The following PSG5 variants were observed in gnomAD, a reference collection of about 807,000 sequenced individuals.
PSG5 encodes pregnancy-specific beta-1-glycoprotein 5.
Under a neutral mutation model 37.7 loss-of-function variants are expected in PSG5, and 53 were observed. That is an observed-to-expected ratio of 1.41 (90% confidence interval 1.13 to 1.77). PSG5 has a LOEUF of 1.77. PSG5 is among the 40% of genes most tolerant of loss of function. The pLI, the probability that PSG5 is intolerant of heterozygous loss-of-function variation, is 0.00. For synonymous variants in PSG5, 221 were observed against 155.4 expected (o/e 1.42, Z -3.14); for missense variants, 547 against 405.2 (o/e 1.35, Z -3.00).
At chr19:43,170,007 T>C in intron 5 of PSG5, 48 bp downstream of exon 5, 1 of 1,196,140 alleles carries the variant, frequency 8.4e-7, no homozygotes, top group Admixed American at 1.8e-5. Flanking sequence ...CTCCCAAGCA[T>C]GGCAGTCAGC....
At position 43,176,054 on chromosome 19, in the gene PSG5, G is replaced by C. The variant is rs764527699; in HGVS notation, c.525C>G (p.Asn175Lys). 3 of 1,611,154 alleles carry C rather than the reference G, an allele frequency of 1.9e-6. No individual in the cohort carries two copies. The highest frequency in any genetic ancestry group is 2.7e-5 in the African/African-American group (2 of 74,598). The change falls in exon 3 of 6, where the codon AAC becomes AAG. Residue 175 changes from asparagine to lysine, a missense_variant. Physicochemically the swap from Asn to Lys is moderately conservative, Grantham distance 94. Transcript: ENST00000342951. Reference protein sequence around the residue: ...LAFTCEPKSENYTYIWWLNGQ... With the variant: ...LAFTCEPKSEKYTYIWWLNGQ... ...CATTTAGCCACCAAATGTAGGTGTA[G>C]TTCTCACTCTTAGGTTCACAGGTGA...
At chr19:43,179,185 C>G in intron 2 of PSG5, 1 of 1,571,886 alleles carries the variant, frequency 6.4e-7, no homozygotes, top group Non-Finnish European at 8.7e-7. Context: ...AGAAGATTGC[C>G]CTGTGTGGCA....
chr19:43,181,351 T>C (rs1191574493), intron 2 of PSG5, among the ~76,000 whole-genome samples: 1 of 151,788 alleles, frequency 6.6e-6, no homozygotes, highest in Admixed American at 6.6e-5. Flanking sequence ...TATTGAACTT[T>C]CCTTTTTCAG....
intron 4 of PSG5, among the ~76,000 whole-genome samples, chr19:43,172,024 C>T (rs1017738716): frequency 2.7e-5 from 4 of 148,310 alleles, no homozygotes; most frequent in East Asian, 1.9e-4. Context: ...AAAAATGAAG[C>T]GATTACTACC....
At chr19:43,170,258 T>A (rs1968877104) in intron 4 of PSG5, 120 bp from the exon 5 acceptor site, 2 of 968,434 alleles carry the variant, frequency 2.1e-6, no homozygotes, top group Admixed American at 2.5e-5. Context: ...ACTACATTAT[T>A]CCTCTTGGGA....
intron 4 of PSG5, 31 bp from the exon 5 acceptor site, chr19:43,170,169 G>A: frequency 6.5e-6 from 10 of 1,543,698 alleles, no homozygotes; most frequent in Non-Finnish European, 8.0e-6. Context: ...AAGAAGGAAT[G>A]AAGGTGATGT....
intron 2 of PSG5, among the ~76,000 whole-genome samples, chr19:43,181,911 A>C (rs1969136395): frequency 6.6e-6 from 1 of 151,726 alleles, no homozygotes; most frequent in Non-Finnish European, 1.5e-5. Context: ...TAGTAGTTTG[A>C]GGATGGAGTC....
intron 2 of PSG5, among the ~76,000 whole-genome samples, chr19:43,179,757 G>A (rs1324062336): frequency 2.0e-5 from 3 of 151,626 alleles, no homozygotes; most frequent in Non-Finnish European, 4.4e-5. Context: ...GTTTTCCCAG[G>A]TGTCTCATAG....
Position 43,185,133 on chromosome 19 carries a change from A to C in PSG5, c.79T>G (p.Phe27Val). The part of the protein sequence containing the change: ...GLLLTASLLN[F>V]WNLPITAQVT... ...TGAGCAGTGATAGGCAGGTTCCAGA[A>C]GTTTAAAAGTGATGCTAGGAGGTGG... The change falls in exon 2 of 6, where the codon TTC becomes GTC. Residue 27 changes from phenylalanine to valine, a missense_variant. By Grantham distance (50) the Phe-to-Val change is conservative. Transcript: ENST00000342951. 6.2e-7 allele frequency: 1 copy of C among 1,605,596 alleles called. No individual in the cohort carries two copies. Among genetic ancestry groups the C allele is most frequent in the Non-Finnish European group, 8.5e-7 (1 of 1,175,282 alleles).
intron 2 of PSG5, among the ~76,000 whole-genome samples, chr19:43,177,730 A>G (rs372248564): frequency 8.6e-5 from 13 of 151,436 alleles, no homozygotes; most frequent in Admixed American, 4.0e-4. Context: ...GTCAGATTTA[A>G]GACAGAGTTT....
chr19:43,171,089 C>A (rs1430544319), intron 4 of PSG5: 1 of 151,492 alleles, frequency 6.6e-6, no homozygotes, highest in East Asian at 1.9e-4. Context: ...CACACAATAA[C>A]CCTGTCAGGT....
Position 43,184,662 on chromosome 19 carries a change from G to T in PSG5, c.430+120C>A, listed in dbSNP as rs111533954. The T allele has an allele frequency of 6.3e-4, 982 of 1,554,242 alleles. 31 individuals carry two copies. In the Middle Eastern group the frequency reaches 0.012, roughly 18 times the overall value. ...GTGTCCTGCACTAAATGCCCAAACCGCAGCATGGGACATAATGCAGAGAGG... is the reference window on the plus strand; with the variant it reads ...GTGTCCTGCACTAAATGCCCAAACCTCAGCATGGGACATAATGCAGAGAGG... On this transcript the variant is annotated intron_variant, in intron 2 of 5. Coordinates refer to ENST00000342951, the MANE Select transcript of PSG5 (RefSeq NM_002781.4).
intron 2 of PSG5, among the ~76,000 whole-genome samples, chr19:43,179,387 C>T (rs1166866709): frequency 2.0e-5 from 3 of 151,570 alleles, no homozygotes; most frequent in Non-Finnish European, 4.4e-5. Context: ...GTGAATTGAG[C>T]AGCAGCATTG....
rs190851001 is a variant in PSG5 at position 43,181,076 on chromosome 19, G to A, written c.430+3706C>T. Among the ~76,000 whole-genome samples the A allele has an allele frequency of 2.8e-4, 43 of 151,592 alleles. 2 individuals are homozygous for A. The highest frequency in any genetic ancestry group is 1.5e-3 in the South Asian group (7 of 4,810). On this transcript the variant is annotated intron_variant, in intron 2 of 5. Transcript: ENST00000342951. ...AATCTAAGTGAGATGCCAATGGCTCGTGTGTCTCCCCACACGTAGAACTCC... is the reference window on the plus strand; with the variant it reads ...AATCTAAGTGAGATGCCAATGGCTCATGTGTCTCCCCACACGTAGAACTCC...
chr19:43,168,110 T>G lies in PSG5; in HGVS notation c.*134A>C, dbSNP rs1442602421. The G allele has an allele frequency of 4.5e-6, 2 of 447,138 alleles. No homozygotes were observed. Among genetic ancestry groups the G allele is most frequent in the Non-Finnish European group, 8.0e-6 (2 of 249,902 alleles). 27.7% of individuals were successfully genotyped at this position (447,138 alleles called of 1,614,324 possible). ...ATCAGGAACTTGTATTCAAGAGTCC[T>G]TGTCAGAGTCTTTTCCATAAATCTC... is the stretch of plus-strand genomic sequence containing the variant. On this transcript the variant is annotated 3_prime_UTR_variant, in exon 6 of 6. Transcript: ENST00000342951.
At chr19:43,176,421 G>A (rs1329675018) in intron 2 of PSG5, among the ~76,000 whole-genome samples, 1 of 151,552 alleles carries the variant, frequency 6.6e-6, no homozygotes, top group African/African-American at 2.4e-5. Context: ...GGGAGTCACA[G>A]CCCCTGGTAC....
intron 2 of PSG5, among the ~76,000 whole-genome samples, chr19:43,181,953 C>T (rs1969137320): frequency 3.3e-5 from 5 of 151,614 alleles, no homozygotes; most frequent in South Asian, 4.2e-4. Flanking sequence ...AGTCCATGGG[C>T]ATTGGGGACT....
At chr19:43,178,884 A>G (rs1243189891) in intron 2 of PSG5, 6 of 1,612,810 alleles carry the variant, frequency 3.7e-6, no homozygotes, top group Non-Finnish European at 5.1e-6. Context: ...CTCACGGAGG[A>G]GATTCAGGGT....
chr19:43,179,365 G>C (rs540793160), intron 2 of PSG5, among the ~76,000 whole-genome samples: 18 of 151,572 alleles, frequency 1.2e-4, no homozygotes, highest in Admixed American at 2.0e-4. Flanking sequence ...AGAAGTACAG[G>C]CTTTCTCAAG....
Sources: allele counts gnomAD v4.1 joint callset (sites outside exome capture counted in the v4.1 genomes callset), GRCh38; gene constraint gnomAD v4.1.1; transcripts MANE v1.5; gene names NCBI Gene and HGNC (gene_info 2026-07-23, HGNC 2026-07-21).